The following EHBP1 variants were observed in gnomAD, a reference collection of about 807,000 sequenced individuals.
EHBP1 encodes the protein EH domain-binding protein 1.
Under a neutral mutation model 144.0 loss-of-function variants are expected in EHBP1, and 55 were observed. The ratio of observed to expected loss-of-function variants is 0.38; its 90% confidence interval spans 0.31 to 0.48. The LOEUF is 0.48. Ranked by LOEUF, EHBP1 falls within the 20% of genes least tolerant of loss-of-function variation. EHBP1 has a pLI of 0.98. For synonymous variants in EHBP1, 469 were observed against 472.7 expected, an observed-to-expected ratio of 0.99 and a Z score of 0.10; for missense variants, 1,200 against 1,364.2, an observed-to-expected ratio of 0.88 and a Z score of 1.90.
intron 13 of EHBP1, among the ~76,000 whole-genome samples, chr2:62,955,131 A>G (rs148523461): frequency 9.9e-5 from 15 of 152,256 alleles, no homozygotes; most frequent in African/African-American, 3.6e-4. Context: ...TTTGGAAGAC[A>G]TGTTGTTATC....
chr2:62,746,771 A>G (rs144535596), intron 2 of EHBP1, among the ~76,000 whole-genome samples: 173 of 152,180 alleles, frequency 1.1e-3, no homozygotes, highest in Non-Finnish European at 1.5e-3. Context: ...GAGAAGAGAA[A>G]TCTGAGATTA....
At chr2:63,042,578 T>C (rs1407647417) in intron 21 of EHBP1, among the ~76,000 whole-genome samples, 1 of 152,038 alleles carries the variant, frequency 6.6e-6, no homozygotes, top group Non-Finnish European at 1.5e-5. Flanking sequence ...TGATGAAAAT[T>C]ACCTAAATAT....
chr2:62,688,354 T>C (rs1449081480), intron 1 of EHBP1, among the ~76,000 whole-genome samples: 2 of 152,136 alleles, frequency 1.3e-5, no homozygotes, highest in African/African-American at 4.8e-5. Flanking sequence ...ATTAAAAATT[T>C]TTTTCATTGA....
chr2:62,975,071 G>A (rs1012840745), intron 14 of EHBP1, among the ~76,000 whole-genome samples: 14 of 152,230 alleles, frequency 9.2e-5, no homozygotes, highest in African/African-American at 2.6e-4. Context: ...TCAAAATGGC[G>A]AGAGTCTGAG....
intron 19 of EHBP1, among the ~76,000 whole-genome samples, chr2:63,012,957 T>A (rs1182020300): frequency 6.6e-6 from 1 of 152,088 alleles, no homozygotes; most frequent in Non-Finnish European, 1.5e-5. Context: ...AAAGTGAGTC[T>A]TATGTTTAAA....
chr2:62,879,867 T>A (rs543763085), intron 10 of EHBP1, among the ~76,000 whole-genome samples: 1 of 151,904 alleles, frequency 6.6e-6, no homozygotes, highest in African/African-American at 2.4e-5. Flanking sequence ...TATTCCAAAA[T>A]TCATATGGAA....
rs2061957672 is a variant in EHBP1, at chr2:63,046,436, T to C, written c.*936T>C. 6.5e-6 allele frequency: 1 copy of C among 152,686 alleles called. No individual in the cohort carries two copies. Among genetic ancestry groups the C allele is most frequent in the Non-Finnish European group, 1.5e-5 (1 of 68,042 alleles). The allele number at this position is 152,686 out of a possible 1,614,324, so 9.5% of individuals were successfully genotyped here. A position where few individuals can be genotyped will look rare whatever the true frequency, so the allele number is the denominator to read the frequency against. ...AAATGGTTATGTTTATTTATTACAA[T>C]ACTGAGTCATATATAAATTTTCAAT... is the stretch of plus-strand genomic sequence containing the variant. On this transcript the variant is annotated 3_prime_UTR_variant, in exon 23 of 23. Coordinates refer to ENST00000431489, the MANE Select transcript of EHBP1 (RefSeq NM_001142616.3).
intron 14 of EHBP1, among the ~76,000 whole-genome samples, chr2:62,968,773 C>T (rs2058360615): frequency 6.6e-6 from 1 of 152,184 alleles, no homozygotes. Flanking sequence ...ATTGAATAAT[C>T]AGCCTGTCAT....
chr2:62,969,586 G>A (rs1218151282), intron 14 of EHBP1, among the ~76,000 whole-genome samples: 1 of 151,892 alleles, frequency 6.6e-6, no homozygotes, highest in Non-Finnish European at 1.5e-5. Context: ...TCAAATTTAA[G>A]TTCATATTCT....
intron 9 of EHBP1, among the ~76,000 whole-genome samples, chr2:62,874,116 T>A (rs2050694591): frequency 6.6e-6 from 1 of 152,226 alleles, no homozygotes; most frequent in Non-Finnish European, 1.5e-5. Context: ...TTGAGCTGAA[T>A]GTGACCTTGT....
At chr2:62,842,190 G>C (rs2047941956) in intron 7 of EHBP1, among the ~76,000 whole-genome samples, 1 of 152,024 alleles carries the variant, frequency 6.6e-6, no homozygotes, top group Non-Finnish European at 1.5e-5. Flanking sequence ...AGGTTCAAGG[G>C]ATTCTCCTGC....
chr2:62,842,009 A>G (rs565802761), intron 7 of EHBP1, among the ~76,000 whole-genome samples: 1 of 152,238 alleles, frequency 6.6e-6, no homozygotes, highest in East Asian at 1.9e-4. Flanking sequence ...TGTTCCATGT[A>G]ATGGTGCCCT....
chr2:62,785,958 G>C (rs761338776), intron 5 of EHBP1, among the ~76,000 whole-genome samples: 1 of 151,718 alleles, frequency 6.6e-6, no homozygotes, highest in Non-Finnish European at 1.5e-5. Flanking sequence ...ACCTTTCTGC[G>C]TGTTGTTCCA....
intron 8 of EHBP1, among the ~76,000 whole-genome samples, chr2:62,859,765 A>G (rs1442508127): frequency 1.3e-5 from 2 of 152,156 alleles, no homozygotes; most frequent in Admixed American, 1.3e-4. Context: ...TTATATATAT[A>G]TATACAGCAT....
chr2:62,875,798 T>G (rs1406625586), intron 10 of EHBP1, among the ~76,000 whole-genome samples: 3 of 152,196 alleles, frequency 2.0e-5, no homozygotes, highest in Non-Finnish European at 2.9e-5. Flanking sequence ...CAAAATTATC[T>G]GATAGAGCTG....
intron 5 of EHBP1, among the ~76,000 whole-genome samples, chr2:62,816,507 G>C (rs192012326): frequency 1.5e-4 from 23 of 152,278 alleles, no homozygotes; most frequent in Admixed American, 7.9e-4. Flanking sequence ...AGAACTGTTA[G>C]TCTAAACTCT....
intron 7 of EHBP1, among the ~76,000 whole-genome samples, chr2:62,832,438 C>CTTTTTTTTTT (rs202005406): frequency 8.5e-6 from 1 of 117,818 alleles, no homozygotes; most frequent in Non-Finnish European, 1.8e-5. Context: ...TTTCTTTTTT[C>CTTTTTTTTTT]TTTTTTTTTT....
intron 15 of EHBP1, among the ~76,000 whole-genome samples, chr2:62,987,210 C>T (rs1233380801): frequency 6.6e-6 from 1 of 152,102 alleles, no homozygotes; most frequent in Non-Finnish European, 1.5e-5. Context: ...ACTAAAAATC[C>T]TTAATGTCAA....
chr2:62,908,957 A>G (rs762713676), intron 10 of EHBP1, among the ~76,000 whole-genome samples: 3 of 152,194 alleles, frequency 2.0e-5, no homozygotes, highest in Non-Finnish European at 4.4e-5. Context: ...GTCTTAATAC[A>G]TTTTTGTGGA....
Sources: allele counts gnomAD v4.1 joint callset (sites outside exome capture counted in the v4.1 genomes callset), GRCh38; gene constraint gnomAD v4.1.1; transcripts MANE v1.5; gene names NCBI Gene and HGNC (gene_info 2026-07-23, HGNC 2026-07-21).